NAV3: variants seen among roughly 807,000 people sequenced by gnomAD.
NAV3 encodes pore membrane and/or filament interacting like protein 1.
In NAV3, 87 loss-of-function variants were observed where a neutral mutation model predicts 244.7. That is an observed-to-expected ratio of 0.36 (90% CI 0.30 to 0.42). The LOEUF is 0.42. Among genes scored for constraint, NAV3 ranks in the 20% least tolerant of loss-of-function variants. The pLI is 1.00. For synonymous variants in NAV3, 1,126 were observed against 1,042.2 expected (o/e 1.08, Z -1.55); for missense variants, 2,663 against 2,893.3 (o/e 0.92, Z 1.83).
chr12:77,772,079 G>C (rs1030131749), intron 2 of NAV3, among the ~76,000 whole-genome samples: 2 of 152,054 alleles, frequency 1.3e-5, no homozygotes, highest in Non-Finnish European at 2.9e-5. Flanking sequence ...ATTTCAGTTA[G>C]ACTTTACCTC....
At chr12:78,152,871 A>G (rs1228607254) in intron 22 of NAV3, among the ~76,000 whole-genome samples, 1 of 151,992 alleles carries the variant, frequency 6.6e-6, no homozygotes, top group Non-Finnish European at 1.5e-5. Flanking sequence ...CCTTTTGGTT[A>G]AATGTGAGTG....
chr12:77,920,355 T>C (rs1887586984), intron 1 of NAV3, among the ~76,000 whole-genome samples: 1 of 152,010 alleles, frequency 6.6e-6, no homozygotes, highest in South Asian at 2.1e-4. Flanking sequence ...AGTTTTATTT[T>C]GTTTGAAAAA....
At chr12:77,998,586 A>G (rs981234579) in intron 7 of NAV3, 110 bp downstream of exon 7, 1 of 1,186,464 alleles carries the variant, frequency 8.4e-7, no homozygotes, top group Admixed American at 2.8e-5. Context: ...AGATGTTATC[A>G]GTGGAGTTTC....
At chr12:77,906,238 A>T (rs1394372061) in intron 1 of NAV3, among the ~76,000 whole-genome samples, 1 of 152,096 alleles carries the variant, frequency 6.6e-6, no homozygotes, top group Non-Finnish European at 1.5e-5. Flanking sequence ...ACAGACACAC[A>T]TCCACACACA....
At chr12:78,181,406 A>T (rs754709704) in intron 30 of NAV3, among the ~76,000 whole-genome samples, 1 of 152,082 alleles carries the variant, frequency 6.6e-6, no homozygotes, top group African/African-American at 2.4e-5. Context: ...CCCATTTATA[A>T]GTGTAGCAGG....
intron 9 of NAV3, among the ~76,000 whole-genome samples, chr12:78,034,213 C>A (rs577682559): frequency 6.6e-6 from 1 of 152,180 alleles, no homozygotes; most frequent in Non-Finnish European, 1.5e-5. Context: ...CTGGCCACTT[C>A]CCCTTAGATG....
At chr12:78,092,736 G>A (rs1954025348) in intron 12 of NAV3, among the ~76,000 whole-genome samples, 1 of 152,044 alleles carries the variant, frequency 6.6e-6, no homozygotes, top group African/African-American at 2.4e-5. Context: ...TCCTGACCTT[G>A]TGATCTGCCA....
At chr12:78,207,828 G>A (rs1369503407) in intron 39 of NAV3, among the ~76,000 whole-genome samples, 2 of 152,194 alleles carry the variant, frequency 1.3e-5, no homozygotes, top group Non-Finnish European at 2.9e-5. Context: ...TTTGAGCCAT[G>A]ATTTACCTAG....
chr12:77,778,381 G>A (rs1463634782), intron 2 of NAV3, among the ~76,000 whole-genome samples: 2 of 151,690 alleles, frequency 1.3e-5, no homozygotes, highest in African/African-American at 2.4e-5. Flanking sequence ...GGGAGGCCAA[G>A]GCAGGTGGAT....
At chr12:77,870,832 G>A (rs771425387) in intron 1 of NAV3, among the ~76,000 whole-genome samples, 5 of 152,200 alleles carry the variant, frequency 3.3e-5, no homozygotes, top group Non-Finnish European at 7.3e-5. Flanking sequence ...TGAAATCCAA[G>A]AGCAGTCATC....
rs371608375 is a variant in NAV3 at position 78,086,447 on chromosome 12, G to T, written c.2636+27332G>T. 2.6e-4 allele frequency among the ~76,000 whole-genome samples: 39 copies of T among 151,980 alleles called. No individual in the cohort carries two copies. The East Asian group carries it at 3.9e-3, about 15-fold the overall frequency. On this transcript the variant is annotated intron_variant, in intron 12 of 39. Transcript: ENST00000397909. Reference sequence around the variant, plus strand: ...TTAAGTAATAACATGTTTATTTTTTGATTCATTATGCCAAAATGCTCAGGT... The same window carrying T: ...TTAAGTAATAACATGTTTATTTTTTTATTCATTATGCCAAAATGCTCAGGT...
At chr12:77,905,581 T>C (rs983672045) in intron 1 of NAV3, among the ~76,000 whole-genome samples, 4 of 152,142 alleles carry the variant, frequency 2.6e-5, no homozygotes. Flanking sequence ...ATATATTCTG[T>C]TTATGTTTTC....
intron 3 of NAV3, among the ~76,000 whole-genome samples, chr12:77,954,668 A>G (rs1373795477): frequency 6.6e-6 from 1 of 152,178 alleles, no homozygotes; most frequent in African/African-American, 2.4e-5. Flanking sequence ...GCTCCAAATC[A>G]TTTTCCCTGC....
intron 7 of NAV3, among the ~76,000 whole-genome samples, chr12:78,002,465 G>T (rs1375642495): frequency 6.6e-6 from 1 of 152,172 alleles, no homozygotes; most frequent in Non-Finnish European, 1.5e-5. Context: ...TAATAAGATA[G>T]ATGCCAAGGA....
intron 1 of NAV3, among the ~76,000 whole-genome samples, chr12:77,891,495 A>G (rs1883934380): frequency 6.6e-6 from 1 of 151,992 alleles, no homozygotes; most frequent in Non-Finnish European, 1.5e-5. Context: ...GTCTTTTTGG[A>G]CAGGTGGCCA....
intron 1 of NAV3, among the ~76,000 whole-genome samples, chr12:77,926,817 C>T (rs766030107): frequency 4.6e-5 from 7 of 152,256 alleles, no homozygotes; most frequent in East Asian, 3.9e-4. Flanking sequence ...TTGAGAACTA[C>T]GGTCTACGCT....
intron 3 of NAV3, among the ~76,000 whole-genome samples, chr12:77,950,148 T>C (rs2137630229): frequency 6.6e-6 from 1 of 152,268 alleles, no homozygotes; most frequent in Admixed American, 6.6e-5. Context: ...TTGTGTGAAC[T>C]TAAGTTTTCA....
intron 30 of NAV3, among the ~76,000 whole-genome samples, chr12:78,184,168 C>T (rs537739924): frequency 4.4e-4 from 67 of 151,966 alleles, no homozygotes; most frequent in South Asian, 8.3e-4. Context: ...ACAAGGAATT[C>T]ACTTTCTTTC....
intron 12 of NAV3, among the ~76,000 whole-genome samples, chr12:78,102,086 C>T (rs117495987): frequency 4.5e-4 from 69 of 152,174 alleles, no homozygotes; most frequent in Non-Finnish European, 8.1e-4. Context: ...GAAGTTTTCA[C>T]GAAATGGTCT....
Sources: allele counts gnomAD v4.1 joint callset (sites outside exome capture counted in the v4.1 genomes callset), GRCh38; gene constraint gnomAD v4.1.1; transcripts MANE v1.5; gene names NCBI Gene and HGNC (gene_info 2026-07-23, HGNC 2026-07-21).